Variants in ABI2 observed in about 807,000 individuals in gnomAD.
ABI2 encodes abl interactor 2.
In ABI2, 25 loss-of-function variants were observed where a neutral mutation model predicts 59.2. The observed-to-expected ratio is 0.42, with a 90% confidence interval of 0.31 to 0.59. The LOEUF is 0.59. Among genes scored for constraint, ABI2 ranks in the 20% least tolerant of loss-of-function variants. The pLI is 0.14. For missense variants in ABI2, 545 were observed against 681.8 expected, an observed-to-expected ratio of 0.80 and a Z score of 2.23; for synonymous variants, 213 against 235.5, an observed-to-expected ratio of 0.90 and a Z score of 0.87.
intron 1 of ABI2, among the ~76,000 whole-genome samples, chr2:203,341,201 CT>C (rs34342850): frequency 2.0e-5 from 3 of 152,178 alleles, no homozygotes; most frequent in African/African-American, 7.2e-5. Context: ...TCCTTCCATG[CT>C]TTTTTTACGC....
intron 11 of ABI2, among the ~76,000 whole-genome samples, chr2:203,424,935 A>C (rs1000813519): frequency 6.6e-6 from 1 of 151,862 alleles, no homozygotes; most frequent in Admixed American, 6.6e-5. Context: ...GCAGTGGGAA[A>C]ATCACGGCTT....
intron 2 of ABI2, chr2:203,367,323 C>T (rs1209078727): frequency 5.4e-5 from 9 of 167,964 alleles, no homozygotes; most frequent in Admixed American, 2.0e-4. Flanking sequence ...ATTCCCCCGC[C>T]TTTTTTTTTT....
chr2:203,411,195 CCTTT>C (rs1384558919), intron 9 of ABI2, 86 bp from the exon 10 acceptor site: 2 of 1,006,996 alleles, frequency 2.0e-6, no homozygotes, highest in South Asian at 1.3e-5. Context: ...TAGTTTCCCT[CCTTT>C]ATGTGTTTAT....
chr2:203,395,564 G>T (rs1316362045), intron 6 of ABI2, 92 bp from the exon 7 acceptor site: 28 of 1,357,158 alleles, frequency 2.1e-5, no homozygotes, highest in Non-Finnish European at 2.7e-5. Context: ...TACCTTTATT[G>T]TAGCTACATT....
chr2:203,385,139 C>CTTTTTTTTTTTTTTCTTTTT (rs10527327), intron 4 of ABI2, among the ~76,000 whole-genome samples: 1 of 69,938 alleles, frequency 1.4e-5, no homozygotes, highest in Non-Finnish European at 2.9e-5. Context: ...GGCTCAGATT[C>CTTTTTTTTTTTTTTCTTTTT]TTTTTTTTTT....
At position 203,420,592 on chromosome 2, in the gene ABI2, A is replaced by G. The variant is rs1322926805; in HGVS notation, c.1453+3511A>G. Among the ~76,000 whole-genome samples, 3 of 151,960 alleles carry G rather than the reference A, an allele frequency of 2.0e-5. No individual in the cohort carries two copies. In the East Asian group the frequency reaches 5.8e-4, roughly 29 times the overall value. ...GTATTTTTAGTAGAGACAGGGTTTCACCATGTTAGCCAGGATGGTCTCAAT... is the reference window on the plus strand; with the variant it reads ...GTATTTTTAGTAGAGACAGGGTTTCGCCATGTTAGCCAGGATGGTCTCAAT... On this transcript the variant is annotated intron_variant, in intron 11 of 11. Coordinates refer to ENST00000261018, the MANE Select transcript of ABI2 (RefSeq NM_001375670.1).
intron 8 of ABI2, among the ~76,000 whole-genome samples, chr2:203,401,112 C>T (rs1228943713): frequency 6.6e-6 from 1 of 151,884 alleles, no homozygotes; most frequent in Non-Finnish European, 1.5e-5. Flanking sequence ...TCTACTCTCC[C>T]CTCTTCTCCA....
chr2:203,384,304 T>G lies in ABI2; in HGVS notation c.480+2098T>G, dbSNP rs1320595915. Among the ~76,000 whole-genome samples the G allele has an allele frequency of 1.3e-3, 187 of 144,868 alleles. 2 individuals are homozygous for G. The highest frequency in any genetic ancestry group is 4.7e-3 in the African/African-American group (182 of 38,378). ...TTTTTGTTTTTGTTTTTTTTTTTTTTTTTTTTTTTTTTTTTTTTTTGAGAC... is the reference window on the plus strand; with the variant it reads ...TTTTTGTTTTTGTTTTTTTTTTTTTGTTTTTTTTTTTTTTTTTTTTGAGAC... On this transcript the variant is annotated intron_variant, in intron 4 of 11. Transcript: ENST00000261018.
chr2:203,430,780 G>C lies in ABI2; in HGVS notation c.*3428G>C, dbSNP rs1303371777. The C allele has an allele frequency of 6.6e-6, 1 of 152,150 alleles. No individual in the cohort carries two copies. The highest frequency in any genetic ancestry group is 1.5e-5 in the Non-Finnish European group (1 of 68,038). The allele number at this position is 152,150 out of a possible 1,614,324, so 9.4% of individuals were successfully genotyped here. A position where few individuals can be genotyped will look rare whatever the true frequency, so the allele number is the denominator to read the frequency against. On this transcript the variant is annotated 3_prime_UTR_variant, in exon 12 of 12. Transcript: ENST00000261018. The stretch of plus-strand genomic sequence containing the variant: ...ACTGCTGGTGTTTATTATCCAGCTA[G>C]ACAATATTTTATGCATATTTACCGT...
chr2:203,423,224 T>C (rs2098289857), intron 11 of ABI2, among the ~76,000 whole-genome samples: 1 of 152,230 alleles, frequency 6.6e-6, no homozygotes, highest in African/African-American at 2.4e-5. Flanking sequence ...TTAAGTTACC[T>C]TTATTACTCA....
At chr2:203,404,651 C>T (rs1023280066) in intron 9 of ABI2, among the ~76,000 whole-genome samples, 9 of 152,018 alleles carry the variant, frequency 5.9e-5, no homozygotes, top group Admixed American at 2.0e-4. Context: ...CTCTACCTCC[C>T]GGGTTCAAGC....
Position 203,391,085 on chromosome 2 carries a change from AC to A in ABI2, c.521del (p.Thr174LysfsTer56). ...CATGAAGATGGGTGGGCTGCCGCGT[AC>A]AACACCTCCAACTCAGAAGCCCCCT... is the stretch of plus-strand genomic sequence containing the variant. ...QNMKMGGLPR[T>X]TPPTQKPPSP... On this transcript the variant is annotated frameshift_variant, in exon 5 of 12. Coordinates refer to ENST00000261018, the MANE Select transcript of ABI2 (RefSeq NM_001375670.1). LOFTEE classifies it high-confidence loss of function. 3.1e-6 allele frequency: 5 copies of A among 1,613,876 alleles called. No individual in the cohort carries two copies. Among genetic ancestry groups the A allele is most frequent in the Non-Finnish European group, 4.2e-6 (5 of 1,179,976 alleles).
chr2:203,412,993 C>T (rs1184205759), intron 10 of ABI2, among the ~76,000 whole-genome samples: 2 of 152,148 alleles, frequency 1.3e-5, no homozygotes, highest in East Asian at 1.9e-4. Context: ...ATCACAAATC[C>T]GGTTTAATCA....
chr2:203,342,120 G>A, intron 1 of ABI2: 2 of 419,162 alleles, frequency 4.8e-6, no homozygotes, highest in Non-Finnish European at 9.5e-6. Context: ...GTAAATTTTT[G>A]TTGAGTAAAA....
chr2:203,431,506 G>A lies in ABI2; in HGVS notation c.*4154G>A, dbSNP rs2098483219. ...TTTACCCCTCCTAAAACTACACTCA[G>A]TATAAACACTTTCCCATAAGGTGTG... is the stretch of plus-strand genomic sequence containing the variant. On this transcript the variant is annotated 3_prime_UTR_variant, in exon 12 of 12. Transcript: ENST00000261018. 6.6e-6 allele frequency: 1 copy of A among 152,474 alleles called. No individual in the cohort carries two copies. Among genetic ancestry groups the A allele is most frequent in the Non-Finnish European group, 1.5e-5 (1 of 68,012 alleles). The allele number at this position is 152,474 out of a possible 1,614,324, so 9.4% of individuals were successfully genotyped here.
chr2:203,342,552 T>TTTTATTTATTTA (rs10623488), intron 1 of ABI2, among the ~76,000 whole-genome samples: 11,387 of 140,376 alleles, frequency 0.081, 656 homozygotes, highest in South Asian at 0.21. Flanking sequence ...CCTCAAAACC[T>TTTTATTTATTTA]TTTATTTATT....
chr2:203,384,897 C>T (rs1159895006), intron 4 of ABI2, among the ~76,000 whole-genome samples: 4 of 150,894 alleles, frequency 2.7e-5, no homozygotes, highest in Non-Finnish European at 5.9e-5. Flanking sequence ...TGCAGTGGCA[C>T]GATCTTGGCT....
intron 1 of ABI2, among the ~76,000 whole-genome samples, chr2:203,350,406 CG>C (rs2087092038): frequency 6.6e-6 from 1 of 151,676 alleles, no homozygotes; most frequent in Non-Finnish European, 1.5e-5. Flanking sequence ...TGGAGTACAG[CG>C]GCATGATCAT....
intron 8 of ABI2, among the ~76,000 whole-genome samples, chr2:203,398,160 T>G (rs1045158578): frequency 6.6e-6 from 1 of 152,228 alleles, no homozygotes; most frequent in Non-Finnish European, 1.5e-5. Flanking sequence ...GGATTTTGGG[T>G]GATGTCTTGT....
Sources: allele counts gnomAD v4.1 joint callset (sites outside exome capture counted in the v4.1 genomes callset), GRCh38; gene constraint gnomAD v4.1.1; transcripts MANE v1.5; gene names NCBI Gene and HGNC (gene_info 2026-07-23, HGNC 2026-07-21).